Variants in ZFAND3 observed in about 807,000 individuals in gnomAD.
ZFAND3 encodes the protein zinc finger AN1-type containing 3.
ZFAND3 carries 10 observed loss-of-function variants against 29.6 expected under a neutral mutation model. The observed-to-expected ratio is 0.34, with a 90% CI of 0.21 to 0.57. The LOEUF (loss-of-function observed/expected upper bound fraction) is 0.57, where lower values mean the gene tolerates loss of function less well. Ranked by LOEUF, ZFAND3 falls within the 20% of genes least tolerant of loss-of-function variation. The pLI is 0.86. For missense variants in ZFAND3, 230 were observed against 304.5 expected, an observed-to-expected ratio of 0.76 and a Z score of 1.82; for synonymous variants, 128 against 112.6, an observed-to-expected ratio of 1.14 and a Z score of -0.87.
intron 2 of ZFAND3, among the ~76,000 whole-genome samples, chr6:38,061,071 A>G (rs1193865201): frequency 1.3e-5 from 2 of 152,182 alleles, no homozygotes; most frequent in East Asian, 1.9e-4. Context: ...TGTTTTTAGT[A>G]TGTCCCTTGT....
intron 2 of ZFAND3, among the ~76,000 whole-genome samples, chr6:38,025,272 G>A (rs1387837272): frequency 6.6e-6 from 1 of 152,152 alleles, no homozygotes; most frequent in African/African-American, 2.4e-5. Flanking sequence ...GAGAGACAAA[G>A]GTCTTTTTTT....
intron 1 of ZFAND3, among the ~76,000 whole-genome samples, chr6:37,871,281 T>C (rs1253041065): frequency 6.6e-6 from 1 of 152,244 alleles, no homozygotes; most frequent in Non-Finnish European, 1.5e-5. Flanking sequence ...TTGGTTATTG[T>C]AATTTTTGGT....
At chr6:37,855,974 C>T (rs1764374405) in intron 1 of ZFAND3, among the ~76,000 whole-genome samples, 1 of 151,850 alleles carries the variant, frequency 6.6e-6, no homozygotes. Context: ...CACTTTTAGA[C>T]CTATTTCCTG....
chr6:37,911,478 C>T (rs259676), intron 1 of ZFAND3, among the ~76,000 whole-genome samples: 96,455 of 151,982 alleles, frequency 0.63, 31,369 homozygotes, highest in African/African-American at 0.76. Context: ...GCACATATTT[C>T]CTTTCATTCT....
At chr6:38,017,777 A>G (rs2127446387) in intron 2 of ZFAND3, among the ~76,000 whole-genome samples, 1 of 152,224 alleles carries the variant, frequency 6.6e-6, no homozygotes, top group South Asian at 2.1e-4. Flanking sequence ...TTACCTTCCT[A>G]GGCAATGATA....
chr6:37,862,725 A>AT (rs1561914515), intron 1 of ZFAND3, among the ~76,000 whole-genome samples: 1 of 150,338 alleles, frequency 6.7e-6, no homozygotes, highest in Non-Finnish European at 1.5e-5. Flanking sequence ...AAACAAAACA[A>AT]AAAAAAAACA....
At chr6:37,996,110 C>A (rs1339503519) in intron 2 of ZFAND3, among the ~76,000 whole-genome samples, 2 of 148,194 alleles carry the variant, frequency 1.3e-5, no homozygotes, top group Non-Finnish European at 3.0e-5. Flanking sequence ...GCCTGGGCTA[C>A]AAGAGCGAAA....
chr6:37,856,033 T>C (rs1156699236), intron 1 of ZFAND3, among the ~76,000 whole-genome samples: 2 of 152,064 alleles, frequency 1.3e-5, no homozygotes, highest in Admixed American at 1.3e-4. Flanking sequence ...CTTCTTCTTT[T>C]TTTATTTTTG....
intron 1 of ZFAND3, among the ~76,000 whole-genome samples, chr6:37,849,697 A>G (rs1764248333): frequency 6.6e-6 from 1 of 152,226 alleles, no homozygotes. Flanking sequence ...GGCGTGAGCC[A>G]CAGCGCCTGG....
chr6:38,065,150 CTACAAAAA>C (rs1377593871), intron 3 of ZFAND3, among the ~76,000 whole-genome samples: 1 of 152,008 alleles, frequency 6.6e-6, no homozygotes, highest in Non-Finnish European at 1.5e-5. Flanking sequence ...AACCCCGTCT[CTACAAAAA>C]TACAAAAATT....
intron 1 of ZFAND3, among the ~76,000 whole-genome samples, chr6:37,833,348 C>A (rs1034658266): frequency 1.1e-4 from 17 of 152,272 alleles, no homozygotes; most frequent in African/African-American, 4.1e-4. Flanking sequence ...CCCCAAGAAT[C>A]CCTCTTCCTG....
intron 3 of ZFAND3, among the ~76,000 whole-genome samples, chr6:38,081,467 A>G (rs1332330028): frequency 6.6e-6 from 1 of 152,130 alleles, no homozygotes; most frequent in African/African-American, 2.4e-5. Flanking sequence ...TCAGTGAGTA[A>G]ATTAAATGAT....
chr6:38,131,604 C>T (rs1045798811), intron 5 of ZFAND3, among the ~76,000 whole-genome samples: 7 of 152,236 alleles, frequency 4.6e-5, no homozygotes, highest in African/African-American at 1.7e-4. Context: ...TCCATTCTCT[C>T]TCACTTAGAG....
At chr6:37,971,899 T>C (rs1218065166) in intron 2 of ZFAND3, among the ~76,000 whole-genome samples, 2 of 149,834 alleles carry the variant, frequency 1.3e-5, no homozygotes, top group Admixed American at 6.7e-5. Context: ...ACTTGAGAGG[T>C]TGAAGTGGGA....
At chr6:37,887,556 A>T (rs1197238673) in intron 1 of ZFAND3, among the ~76,000 whole-genome samples, 2 of 152,202 alleles carry the variant, frequency 1.3e-5, no homozygotes, top group Non-Finnish European at 2.9e-5. Context: ...CCCTGATGGG[A>T]AGAATCTTAT....
At chr6:38,088,595 T>A (rs1364752404) in intron 4 of ZFAND3, among the ~76,000 whole-genome samples, 12 of 152,192 alleles carry the variant, frequency 7.9e-5, no homozygotes, top group Admixed American at 7.8e-4. Flanking sequence ...TATAGTCCTT[T>A]TATTTCTGAA....
At chr6:38,045,187 A>G (rs1210369497) in intron 2 of ZFAND3, among the ~76,000 whole-genome samples, 6 of 151,328 alleles carry the variant, frequency 4.0e-5, no homozygotes, top group African/African-American at 4.9e-5. Context: ...TCCTGGGTTT[A>G]AGCAGTCCTC....
In ZFAND3 at chr6:38,091,168, T is replaced by G. The variant is rs907737389; in HGVS notation, c.361+8711T>G. Among the ~76,000 whole-genome samples, 135 of 152,226 alleles carry G rather than the reference T, an allele frequency of 8.9e-4. 2 individuals are homozygous for G. Among genetic ancestry groups the G allele is most frequent in the African/African-American group, 3.2e-3 (131 of 41,458 alleles). ...AGTATAAAAACGAAGGGAAGCGTCA[T>G]GTGGCTTGTTGCTCTTTTGGAGATG... On this transcript the variant is annotated intron_variant, in intron 4 of 5. Transcript: ENST00000287218.
intron 1 of ZFAND3, among the ~76,000 whole-genome samples, chr6:37,886,306 A>C (rs1275906596): frequency 2.0e-5 from 3 of 148,580 alleles, no homozygotes; most frequent in Non-Finnish European, 4.5e-5. Context: ...CTGTTACTCA[A>C]CCTTGATTAC....
Sources: gnomAD v4.1 joint callset for allele counts (sites outside exome capture counted in the v4.1 genomes callset) on GRCh38, gnomAD v4.1.1 for gene constraint, MANE v1.5 for transcripts, NCBI Gene and HGNC (gene_info 2026-07-23, HGNC 2026-07-21) for gene names.